MSS51: variants seen among roughly 807,000 people sequenced by gnomAD.
The protein encoded by MSS51 is putative protein MSS51 homolog, mitochondrial.
MSS51 carries 32 observed loss-of-function variants against 40.2 expected under a neutral mutation model. The ratio of observed to expected loss-of-function variants is 0.80; its 90% CI spans 0.60 to 1.07. The LOEUF is 1.07. Ranked by LOEUF, MSS51 falls within the 50% of genes least tolerant of loss-of-function variation. The probability of loss-of-function intolerance (pLI) is 0.00; values close to 1 mark genes in which losing one functional copy is unlikely to be tolerated. For synonymous variants in MSS51, 178 were observed against 214.2 expected (o/e 0.83, Z 1.48); for missense variants, 518 against 568.9 (o/e 0.91, Z 0.91).
chr10:73,427,257 A>C (rs1160505076), intron 3 of MSS51, among the ~76,000 whole-genome samples: 3 of 143,302 alleles, frequency 2.1e-5, no homozygotes, highest in Non-Finnish European at 4.6e-5. Flanking sequence ...ATGAGGTTGT[A>C]GTAGAAGGTC....
intron 1 of MSS51, among the ~76,000 whole-genome samples, chr10:73,432,187 C>T (rs1164132410): frequency 2.0e-5 from 3 of 152,004 alleles, no homozygotes; most frequent in South Asian, 2.1e-4. Context: ...TACAGGCTCG[C>T]GCCACCATGC....
intron 3 of MSS51, among the ~76,000 whole-genome samples, chr10:73,427,135 A>G (rs534523420): frequency 6.6e-6 from 1 of 152,232 alleles, no homozygotes; most frequent in Admixed American, 6.5e-5. Flanking sequence ...TCCCAATAAC[A>G]CCAAAAATAA....
chr10:73,427,647 G>A lies in MSS51; in HGVS notation c.343C>T (p.Leu115Phe). The change falls in exon 3 of 7, where the codon CTT becomes TTT. Residue 115 changes from leucine (L) to phenylalanine (F), a missense_variant. Leu to Phe is a conservative substitution (Grantham distance 22). Transcript: ENST00000299432. ...CAHCRALPSG[L>F]SDSKVLRHCK... ...TGCCGGAGAACCTTGGAGTCTGAAA[G>A]CCCACTAGGGAGTGCTCTACAGTGA... 6.2e-7 allele frequency: 1 copy of A among 1,613,494 alleles called. No homozygotes were observed. The highest frequency in any genetic ancestry group is 8.5e-7 in the Non-Finnish European group (1 of 1,179,552).
intron 1 of MSS51, among the ~76,000 whole-genome samples, chr10:73,431,227 G>A (rs770470854): frequency 7.9e-5 from 12 of 152,142 alleles, no homozygotes; most frequent in Non-Finnish European, 1.5e-4. Flanking sequence ...GAACAATACC[G>A]TGAATACACT....
chr10:73,424,594 C>T lies in MSS51; in HGVS notation c.1342G>A (p.Asp448Asn), dbSNP rs775677611. 7 of 1,614,088 alleles carry T rather than the reference C, an allele frequency of 4.3e-6. No individual in the cohort carries two copies. The South Asian group carries it at 7.7e-5, about 18-fold the overall frequency. Residue 448 changes from aspartate (D) to asparagine (N), a missense_variant, in exon 7 of 7, where the codon GAT (aspartate) becomes AAT (asparagine). By Grantham distance (23) the Asp-to-Asn change is conservative. Coordinates refer to ENST00000299432, the MANE Select transcript of MSS51 (RefSeq NM_001024593.2). ...IMFLGSSCQL[D>N]NRQLEEKVDG... is the part of the protein sequence containing the mutation. The stretch of plus-strand genomic sequence containing the variant: ...ACTTTCTCTTCTAATTGCCTATTAT[C>T]CAGCTGACAGGAGCTTCCAAGAAAC...
rs2055964073 is a variant in MSS51 at position 73,424,274 on chromosome 10, G to C, written c.*279C>G. 2.8e-6 allele frequency: 1 copy of C among 357,114 alleles called. No individual in the cohort carries two copies. Among genetic ancestry groups the C allele is most frequent in the Non-Finnish European group, 5.3e-6 (1 of 187,654 alleles). 22.1% of individuals were successfully genotyped at this position (357,114 alleles called of 1,614,324 possible). On this transcript the variant is annotated 3_prime_UTR_variant, in exon 7 of 7. Transcript: ENST00000299432. ...CACCTGTAATCCCAGCTACTAGGGAGGCTGAGGCAGGAGAACCACTTGAAC... is the reference window on the plus strand; with the variant it reads ...CACCTGTAATCCCAGCTACTAGGGACGCTGAGGCAGGAGAACCACTTGAAC...
At position 73,426,001 on chromosome 10, in the gene MSS51, G is replaced by A. The variant is rs1470017237; in HGVS notation, c.879C>T (p.His293=). 1 of 1,614,178 alleles carries A rather than the reference G, an allele frequency of 6.2e-7. No homozygotes were observed. Among genetic ancestry groups the A allele is most frequent in the East Asian group, 2.2e-5 (1 of 44,894 alleles). Residue 293 remains histidine (H), a synonymous_variant, in exon 5 of 7, where the codon CAC becomes CAT. Coordinates refer to ENST00000299432, the MANE Select transcript of MSS51 (RefSeq NM_001024593.2). ...YDELGYMFPG[H]LGLRVVMVGV... is the part of the protein sequence containing the mutation. ...CCACCATGACCACACGGAGTCCAAG[G>A]TGCCCAGGAAACATGTAACCAAGCT... is the stretch of plus-strand genomic sequence containing the variant.
At chr10:73,429,332 GAA>G (rs1390348959) in intron 1 of MSS51, among the ~76,000 whole-genome samples, 1 of 152,078 alleles carries the variant, frequency 6.6e-6, no homozygotes, top group Non-Finnish European at 1.5e-5. Context: ...TTAATAAGGA[GAA>G]AATATTAATA....
chr10:73,425,388 C>T (rs563967456), intron 5 of MSS51, among the ~76,000 whole-genome samples, 197 bp from the exon 6 acceptor site: 32 of 152,142 alleles, frequency 2.1e-4, no homozygotes, highest in African/African-American at 7.7e-4. Flanking sequence ...GAAAAGTTGT[C>T]ATCAGGCTGG....
intron 1 of MSS51, among the ~76,000 whole-genome samples, chr10:73,428,755 A>G (rs2056007950): frequency 6.6e-6 from 1 of 151,922 alleles, no homozygotes; most frequent in African/African-American, 2.4e-5. Context: ...CCAAAATGCC[A>G]GGATTACAGG....
In MSS51 at chr10:73,426,290, TG is replaced by T. The variant is rs748877992; in HGVS notation, c.589del (p.His197ThrfsTer2). On this transcript the variant is annotated frameshift_variant, in exon 5 of 7. Coordinates refer to ENST00000299432, the MANE Select transcript of MSS51 (RefSeq NM_001024593.2). LOFTEE classifies it high-confidence loss of function. Reference sequence around the variant, plus strand: ...CACAGCATCCAATGTAGCATCTAGGTGTAACCCCTTCATAGAAAACCAGGAG... The same window carrying T: ...CACAGCATCCAATGTAGCATCTAGGTTAACCCCTTCATAGAAAACCAGGAG... ...WDSWFSMKGL[H>X]LDATLDAVLV... 61 of 1,609,368 alleles carry T rather than the reference TG, an allele frequency of 3.8e-5. No individual in the cohort carries two copies. Among genetic ancestry groups the T allele is most frequent in the Non-Finnish European group, 4.8e-5 (57 of 1,180,016 alleles).
Position 73,424,640 on chromosome 10 carries a change from G to A in MSS51, c.1296C>T (p.Tyr432=). The A allele has an allele frequency of 5.0e-6, 8 of 1,614,114 alleles. No individual in the cohort carries two copies. Among genetic ancestry groups the A allele is most frequent in the Non-Finnish European group, 6.8e-6 (8 of 1,180,006 alleles). Residue 432 remains tyrosine (Y), a synonymous_variant, in exon 7 of 7, where the codon TAC becomes TAT. Coordinates refer to ENST00000299432, the MANE Select transcript of MSS51 (RefSeq NM_001024593.2). ...VYSSPNKQPV[Y]CSAYYIMFLG... ...GAAACATGATATAGTATGCACTGCA[G>A]TATACTGGCTGCTTGTTGGGACTGG...
rs762633334 is a variant in MSS51 at position 73,426,206 on chromosome 10, G to A, written c.674C>T (p.Pro225Leu). The A allele has an allele frequency of 4.3e-5, 69 of 1,614,028 alleles. No individual in the cohort carries two copies. Among genetic ancestry groups the A allele is most frequent in the Non-Finnish European group, 5.8e-5 (68 of 1,180,042 alleles). Reference sequence around the variant, plus strand: ...CTTCAAAGATCCCTGCAGGACATCCGGGTCTGGCCTTGGCCGTCCTACACT... The same window carrying A: ...CTTCAAAGATCCCTGCAGGACATCCAGGTCTGGCCTTGGCCGTCCTACACT... ...WASVGRPRPD[P>L]DVLQGSLKRL... is the part of the protein sequence containing the mutation. The change falls in exon 5 of 7, where the codon CCG (proline) becomes CTG (leucine). Residue 225 changes from proline (P) to leucine (L), a missense_variant. Transcript: ENST00000299432.
At position 73,424,466 on chromosome 10, in the gene MSS51, T is replaced by G. The variant is rs889601869; in HGVS notation, c.*87A>C. ...ACAGTAAATGAGGTTTAGAATATAA[T>G]GTTTTTCAAAGTTTGCAAGAACCTG... On this transcript the variant is annotated 3_prime_UTR_variant, in exon 7 of 7. Coordinates refer to ENST00000299432, the MANE Select transcript of MSS51 (RefSeq NM_001024593.2). 3.0e-5 allele frequency: 30 copies of G among 1,007,328 alleles called. No individual in the cohort carries two copies. The highest frequency in any genetic ancestry group is 7.8e-6 in the Non-Finnish European group (5 of 640,298). 62.4% of individuals were successfully genotyped at this position (1,007,328 alleles called of 1,614,324 possible).
chr10:73,424,430 T>C lies in MSS51; in HGVS notation c.*123A>G. On this transcript the variant is annotated 3_prime_UTR_variant, in exon 7 of 7. Transcript: ENST00000299432. ...ACAGAAACTCTCATTCAGCTTAGAA[T>C]TTTTACCCAAACAGTAAATGAGGTT... 1.3e-6 allele frequency: 1 copy of C among 771,264 alleles called. No homozygotes were observed. The highest frequency in any genetic ancestry group is 1.7e-5 in the South Asian group (1 of 58,776). 47.8% of individuals were successfully genotyped at this position (771,264 alleles called of 1,614,324 possible).
Position 73,426,667 on chromosome 10 carries a change from CCCT to C in MSS51, c.439_441del (p.Arg147del). 3 of 1,614,228 alleles carry C rather than the reference CCCT, an allele frequency of 1.9e-6. No individual in the cohort carries two copies. The highest frequency in any genetic ancestry group is 2.5e-6 in the Non-Finnish European group (3 of 1,180,046). On this transcript the variant is annotated inframe_deletion, in exon 4 of 7. Transcript: ENST00000299432. ...GCCACAAGACGAAGCTCTTGACAAA[CCCT>C]CCTGTGTGCGGGCCAGTCTGACTTC... is the stretch of plus-strand genomic sequence containing the variant.
intron 4 of MSS51, 107 bp downstream of exon 4, chr10:73,426,500 C>T: frequency 6.3e-7 from 1 of 1,587,830 alleles, no homozygotes; most frequent in Non-Finnish European, 8.6e-7. Context: ...GTGCCCCATC[C>T]TTTGCCCCAC....
intron 1 of MSS51, among the ~76,000 whole-genome samples, chr10:73,428,570 C>T (rs372987643): frequency 6.6e-6 from 1 of 152,064 alleles, no homozygotes; most frequent in African/African-American, 2.4e-5. Context: ...TCAGCTCACT[C>T]CACCTCCTAG....
chr10:73,432,297 A>C (rs1243552771), intron 1 of MSS51, among the ~76,000 whole-genome samples: 1 of 152,080 alleles, frequency 6.6e-6, no homozygotes, highest in African/African-American at 2.4e-5. Context: ...TCGACCTCCC[A>C]AAGTGCTGGG....
Sources: allele counts gnomAD v4.1 joint callset (sites outside exome capture counted in the v4.1 genomes callset), GRCh38; gene constraint gnomAD v4.1.1; transcripts MANE v1.5; gene names NCBI Gene and HGNC (gene_info 2026-07-23, HGNC 2026-07-21).